EXOSC4: variants seen among roughly 807,000 people sequenced by gnomAD.
The protein encoded by EXOSC4 is exosome complex component RRP41.
EXOSC4 carries 14 observed loss-of-function variants against 20.0 expected under a neutral mutation model. That is an observed-to-expected ratio of 0.70 (90% CI 0.46 to 1.09). EXOSC4 has a LOEUF of 1.09. EXOSC4 is among the 50% of genes least tolerant of loss of function. The pLI is 0.00. For synonymous variants in EXOSC4, 148 were observed against 146.4 expected (o/e 1.01, Z -0.08); for missense variants, 337 against 334.0 (o/e 1.01, Z -0.07).
At chr8:144,074,736 A>C (rs1554762530), upstream of EXOSC4, among the ~76,000 whole-genome samples, 1 of 151,972 alleles carries the variant, frequency 6.6e-6, no homozygotes, top group Non-Finnish European at 1.5e-5. Flanking sequence ...ATACCCAGTT[A>C]ATTTTTAAAT....
the EXOSC4 span, among the ~76,000 whole-genome samples, chr8:144,072,556 A>T: frequency 6.6e-6 from 1 of 152,082 alleles, no homozygotes; most frequent in Admixed American, 6.6e-5. Context: ...ACCCCGCAAC[A>T]TACACACGCA....
upstream of EXOSC4, among the ~76,000 whole-genome samples, chr8:144,073,952 G>C (rs1033959317): frequency 6.6e-6 from 1 of 152,154 alleles, no homozygotes; most frequent in Non-Finnish European, 1.5e-5. Flanking sequence ...TCAGCCCAAC[G>C]GAATAGTGGC....
upstream of EXOSC4, among the ~76,000 whole-genome samples, chr8:144,077,241 C>T (rs1157813018): frequency 6.6e-6 from 1 of 152,038 alleles, no homozygotes; most frequent in Non-Finnish European, 1.5e-5. Flanking sequence ...AAGACTCCAT[C>T]TCAAAAAACA....
chr8:144,065,742 A>G, the EXOSC4 span, among the ~76,000 whole-genome samples: 1 of 152,012 alleles, frequency 6.6e-6, no homozygotes, highest in Non-Finnish European at 1.5e-5. Flanking sequence ...CTCAACTACA[A>G]TAAAATAATT....
At chr8:144,070,516 T>C in the EXOSC4 span, among the ~76,000 whole-genome samples, 5 of 96,242 alleles carry the variant, frequency 5.2e-5, no homozygotes, top group Admixed American at 1.1e-4. Context: ...AGAGCAAAAC[T>C]CCATCTCAAA....
chr8:144,076,488 C>A (rs1213937435), upstream of EXOSC4, among the ~76,000 whole-genome samples: 2 of 152,154 alleles, frequency 1.3e-5, no homozygotes, highest in Non-Finnish European at 1.5e-5. Flanking sequence ...TACCCTAAAG[C>A]TGGAGTACGA....
the EXOSC4 span, among the ~76,000 whole-genome samples, chr8:144,064,349 C>A: frequency 6.6e-6 from 1 of 152,260 alleles, no homozygotes; most frequent in Non-Finnish European, 1.5e-5. Context: ...TTTAGGCAAC[C>A]AGGTGTGGTA....
chr8:144,071,271 TCTCCC>T, the EXOSC4 span, among the ~76,000 whole-genome samples: 5 of 22,480 alleles, frequency 2.2e-4, no homozygotes, highest in African/African-American at 1.1e-3. Context: ...TCCCCTCCCC[TCTCCC>T]CTCCCCTCCT....
chr8:144,072,156 T>G, the EXOSC4 span, among the ~76,000 whole-genome samples: 1 of 152,152 alleles, frequency 6.6e-6, no homozygotes, highest in South Asian at 2.1e-4. Context: ...CACCTCAAGC[T>G]ATTTTTAAAT....
At chr8:144,065,759 A>T in the EXOSC4 span, among the ~76,000 whole-genome samples, 1 of 151,764 alleles carries the variant, frequency 6.6e-6, no homozygotes, top group Non-Finnish European at 1.5e-5. Flanking sequence ...AATTCCTATA[A>T]TTAGGAAGAA....
upstream of EXOSC4, among the ~76,000 whole-genome samples, chr8:144,075,453 C>T (rs1382426650): frequency 2.6e-5 from 4 of 152,142 alleles, no homozygotes; most frequent in Non-Finnish European, 2.9e-5. Context: ...GTCTCGATCT[C>T]CTGACCTCGT....
intron 1 of EXOSC4, 111 bp from the exon 2 acceptor site, chr8:144,079,832 C>T (rs1002996225): frequency 2.0e-6 from 2 of 1,018,436 alleles, no homozygotes; most frequent in Admixed American, 3.4e-5. Flanking sequence ...GGAGGTAACG[C>T]AGTTGCCCCT....
rs1554763326 is a variant in EXOSC4 at position 144,080,390 on chromosome 8, T to G, written c.527T>G (p.Val176Gly). The G allele has an allele frequency of 1.9e-6, 3 of 1,612,032 alleles. 1 individual carries two copies. The South Asian group carries it at 3.3e-5, about 18-fold the overall frequency. Reference protein sequence around the residue: ...DGTALADLSHVEEAAGGPQLA... With the variant: ...DGTALADLSHGEEAAGGPQLA... ...ACAGCCCTGGCGGACCTCAGCCATG[T>G]GGAGGAAGCAGCTGGTGGCCCCCAG... Residue 176 changes from valine to glycine, a missense_variant, in exon 3 of 3, where the codon GTG (valine) becomes GGG (glycine). Physicochemically the swap from Val to Gly is moderately radical, Grantham distance 109 (BLOSUM62 -3). Coordinates refer to ENST00000316052, the MANE Select transcript of EXOSC4 (RefSeq NM_019037.3). This position sits in a 1 kb window ranked among gnomAD's most constrained non-coding sequence, Gnocchi z 4.9.
At chr8:144,066,068 G>A in the EXOSC4 span, among the ~76,000 whole-genome samples, 3 of 151,588 alleles carry the variant, frequency 2.0e-5, no homozygotes, top group Non-Finnish European at 2.9e-5. Context: ...CCAGGCTGGA[G>A]TGCAGTGGCG....
Position 144,080,608 on chromosome 8 carries a change from A to G in EXOSC4, c.*7A>G, listed in dbSNP as rs1554763381. On this transcript the variant is annotated 3_prime_UTR_variant, in exon 3 of 3. Transcript: ENST00000316052. The surrounding 1 kb of genome is among the most constrained non-coding windows in gnomAD (Gnocchi z 4.9). ...TATCTTGCTGGGGGACTGACCACCCAGCCACCCATGTCCAGAATAAAACCC... is the reference window on the plus strand; with the variant it reads ...TATCTTGCTGGGGGACTGACCACCCGGCCACCCATGTCCAGAATAAAACCC... 6.3e-7 allele frequency: 1 copy of G among 1,595,440 alleles called. No individual in the cohort carries two copies. Among genetic ancestry groups the G allele is most frequent in the Non-Finnish European group, 8.5e-7 (1 of 1,177,936 alleles).
chr8:144,079,673 G>T, intron 1 of EXOSC4: 1 of 629,426 alleles, frequency 1.6e-6, no homozygotes, highest in South Asian at 1.6e-5. Context: ...GTTAGGATTT[G>T]AGTGTGTAGG....
upstream of EXOSC4, among the ~76,000 whole-genome samples, chr8:144,077,413 C>T (rs1587585013): frequency 6.6e-6 from 1 of 152,196 alleles, no homozygotes; most frequent in Admixed American, 6.5e-5. Flanking sequence ...GGTGACCCAT[C>T]ATGGCCTCAG....
At chr8:144,065,388 C>T in the EXOSC4 span, among the ~76,000 whole-genome samples, 2 of 152,080 alleles carry the variant, frequency 1.3e-5, no homozygotes, top group Admixed American at 6.6e-5. Context: ...GACTAGTGCT[C>T]CAGGAGACTG....
At chr8:144,074,143 G>GC (rs1554762463), upstream of EXOSC4, among the ~76,000 whole-genome samples, 1 of 152,212 alleles carries the variant, frequency 6.6e-6, no homozygotes, top group East Asian at 1.9e-4. Flanking sequence ...CCCGGCTTGG[G>GC]CCCCAACAAA....
Sources: gnomAD v4.1 joint callset for allele counts (sites outside exome capture counted in the v4.1 genomes callset) on GRCh38, gnomAD v4.1.1 for gene constraint, Gnocchi (gnomAD v3.1) non-coding constraint, MANE v1.5 for transcripts, NCBI Gene and HGNC (gene_info 2026-07-23, HGNC 2026-07-21) for gene names.